The following TRPM1 variants were observed in gnomAD, a reference collection of about 807,000 sequenced individuals.
TRPM1 encodes the protein TRPM1-203 APA Isoform, Intron 10.
In TRPM1, 113 loss-of-function variants were observed where a neutral mutation model predicts 149.4. The ratio of observed to expected loss-of-function variants is 0.76; its 90% CI spans 0.65 to 0.88. The LOEUF (loss-of-function observed/expected upper bound fraction) is 0.88. Among genes scored for constraint, TRPM1 ranks in the 40% least tolerant of loss-of-function variants. The probability of loss-of-function intolerance (pLI) is 0.00; values close to 1 mark genes in which losing one functional copy is unlikely to be tolerated. For missense variants in TRPM1, 1,976 were observed against 2,038.7 expected, an observed-to-expected ratio of 0.97 and a Z score of 0.59; for synonymous variants, 741 against 759.5, an observed-to-expected ratio of 0.98 and a Z score of 0.40.
At chr15:31,150,704 G>T (rs1370240668) in intron 1 of TRPM1, among the ~76,000 whole-genome samples, 2 of 152,126 alleles carry the variant, frequency 1.3e-5, no homozygotes, top group African/African-American at 4.8e-5. Context: ...AAAGTGCTGG[G>T]ATTATAGGCA....
intron 23 of TRPM1, among the ~76,000 whole-genome samples, chr15:31,030,247 A>G (rs1485759742): frequency 6.6e-6 from 1 of 152,254 alleles, no homozygotes. Context: ...ACATGCTATT[A>G]TAGCTGATGC....
intron 27 of TRPM1, among the ~76,000 whole-genome samples, chr15:31,011,611 G>T (rs2032184393): frequency 6.6e-6 from 1 of 151,156 alleles, no homozygotes. Context: ...CTTGCCCTGG[G>T]GATTATCAGT....
chr15:31,133,363 TTGG>T (rs1294164957), intron 1 of TRPM1, among the ~76,000 whole-genome samples: 1 of 151,730 alleles, frequency 6.6e-6, no homozygotes, highest in Non-Finnish European at 1.5e-5. Context: ...AGGTCAGGAG[TTGG>T]AGAACAGCAT....
intron 11 of TRPM1, among the ~76,000 whole-genome samples, chr15:31,057,402 G>A (rs1055945683): frequency 5.3e-5 from 8 of 152,058 alleles, no homozygotes; most frequent in Non-Finnish European, 1.0e-4. Flanking sequence ...GAGAGTGGGA[G>A]GAGGGAGAGG....
intron 22 of TRPM1, among the ~76,000 whole-genome samples, chr15:31,032,052 T>C (rs1375784021): frequency 6.9e-6 from 1 of 145,426 alleles, no homozygotes; most frequent in East Asian, 2.0e-4. Flanking sequence ...CATTCTGAAG[T>C]GGATGTAGTC....
intron 22 of TRPM1, among the ~76,000 whole-genome samples, chr15:31,031,500 A>T (rs2033077967): frequency 6.6e-6 from 1 of 152,200 alleles, no homozygotes; most frequent in Non-Finnish European, 1.5e-5. Context: ...AAGGGATGCT[A>T]AGGAGGAAGA....
At chr15:31,159,208 G>A (rs925185576) in intron 1 of TRPM1, among the ~76,000 whole-genome samples, 2 of 152,162 alleles carry the variant, frequency 1.3e-5, no homozygotes, top group African/African-American at 2.4e-5. Flanking sequence ...GACCAAAATC[G>A]AAGTGATTCT....
intron 1 of TRPM1, among the ~76,000 whole-genome samples, chr15:31,128,999 A>G (rs1297981402): frequency 6.6e-6 from 1 of 152,230 alleles, no homozygotes; most frequent in African/African-American, 2.4e-5. Context: ...TGATGGCCAC[A>G]TGCCATTCCG....
chr15:31,007,792 T>A (rs1485132476), intron 27 of TRPM1, among the ~76,000 whole-genome samples: 1 of 152,256 alleles, frequency 6.6e-6, no homozygotes, highest in African/African-American at 2.4e-5. Flanking sequence ...CTGTGCCACG[T>A]TGAGTCTTCC....
intron 1 of TRPM1, among the ~76,000 whole-genome samples, chr15:31,128,423 A>T (rs1049611723): frequency 6.6e-6 from 1 of 151,974 alleles, no homozygotes; most frequent in African/African-American, 2.4e-5. Flanking sequence ...CCTGCTCCTG[A>T]CTCATGAACC....
intron 1 of TRPM1, 95 bp from the exon 2 acceptor site, chr15:31,081,533 T>C: frequency 1.3e-6 from 1 of 783,132 alleles, no homozygotes; most frequent in South Asian, 1.7e-5. Flanking sequence ...TTTGTTCCAG[T>C]CTCTGCTCTA....
At chr15:31,052,130 C>T (rs1179649041) in intron 11 of TRPM1, among the ~76,000 whole-genome samples, 1 of 152,224 alleles carries the variant, frequency 6.6e-6, no homozygotes, top group African/African-American at 2.4e-5. Context: ...CCACCCAGTG[C>T]ATTTTCCACA....
intron 1 of TRPM1, among the ~76,000 whole-genome samples, chr15:31,132,219 T>C (rs188558428): frequency 7.2e-5 from 11 of 152,324 alleles, no homozygotes; most frequent in African/African-American, 2.6e-4. Context: ...CTGGCCCCTC[T>C]GTGACCCCAA....
chr15:31,113,403 C>G (rs1165586552), intron 1 of TRPM1, among the ~76,000 whole-genome samples: 1 of 150,538 alleles, frequency 6.6e-6, no homozygotes, highest in Non-Finnish European at 1.5e-5. Context: ...GTCACCTATG[C>G]ATACAGAATT....
chr15:31,019,783 T>C (rs2032494370), intron 27 of TRPM1, among the ~76,000 whole-genome samples: 1 of 152,028 alleles, frequency 6.6e-6, no homozygotes, highest in African/African-American at 2.4e-5. Context: ...GTGATCCACC[T>C]TGGCCTCCCA....
At chr15:31,018,931 C>T (rs2032462961) in intron 27 of TRPM1, among the ~76,000 whole-genome samples, 1 of 152,262 alleles carries the variant, frequency 6.6e-6, no homozygotes, top group Non-Finnish European at 1.5e-5. Context: ...GCTGAGATTA[C>T]AGGCGTGAGC....
chr15:31,127,553 G>C (rs1223555249), intron 1 of TRPM1, among the ~76,000 whole-genome samples: 1 of 152,352 alleles, frequency 6.6e-6, no homozygotes, highest in Non-Finnish European at 1.5e-5. Context: ...GAGGTGGTGA[G>C]GCTAACATTC....
intron 1 of TRPM1, among the ~76,000 whole-genome samples, chr15:31,141,647 A>AG (rs950576284): frequency 4.8e-5 from 7 of 146,630 alleles, no homozygotes; most frequent in African/African-American, 1.6e-4. Context: ...TCATAATGAC[A>AG]GGGGAAAAAA....
Position 31,001,547 on chromosome 15 carries a change from A to G in TRPM1, c.*275T>C, listed in dbSNP as rs1465768972. ...CTAGGCTATTTGGTGGCCCTCAGTA[A>G]TAAAGAGATTGTATAATCTTGTATA... On this transcript the variant is annotated 3_prime_UTR_variant, in exon 28 of 28. Transcript: ENST00000256552. The G allele has an allele frequency of 1.0e-5, 5 of 478,954 alleles. No homozygotes were observed. The highest frequency in any genetic ancestry group is 7.9e-5 in the African/African-American group (4 of 50,928). 29.7% of individuals were successfully genotyped at this position (478,954 alleles called of 1,614,324 possible).
Sources: allele counts gnomAD v4.1 joint callset (sites outside exome capture counted in the v4.1 genomes callset), GRCh38; gene constraint gnomAD v4.1.1; transcripts MANE v1.5; gene names NCBI Gene and HGNC (gene_info 2026-07-23, HGNC 2026-07-21).